The following SLC41A1 variants were observed in gnomAD, a reference collection of about 807,000 sequenced individuals.
SLC41A1 encodes the protein solute carrier family 41 (magnesium transporter), member 1.
Under a neutral mutation model 47.3 loss-of-function variants are expected in SLC41A1, and 20 were observed. That is an observed-to-expected ratio of 0.42 (90% CI 0.30 to 0.61). SLC41A1 has a LOEUF of 0.61. Ranked by LOEUF, SLC41A1 falls within the 20% of genes least tolerant of loss-of-function variation. The pLI is 0.17. For synonymous variants in SLC41A1, 282 were observed against 272.7 expected (o/e 1.03, Z -0.34); for missense variants, 504 against 674.1 (o/e 0.75, Z 2.79).
chr1:205,798,151 A>T, intron 6 of SLC41A1, 100 bp from the exon 7 acceptor site: 1 of 1,524,614 alleles, frequency 6.6e-7, no homozygotes, highest in Non-Finnish European at 9.0e-7. Context: ...CAATAGCAAG[A>T]CTACACTAAA....
At chr1:205,795,859 C>G (rs1655737688) in intron 8 of SLC41A1, 3 of 271,142 alleles carry the variant, frequency 1.1e-5, no homozygotes, top group Admixed American at 6.4e-5. Context: ...GGGATGAAGC[C>G]CTGCCTTGCC....
In SLC41A1 at chr1:205,791,846, C is replaced by G; in HGVS notation, c.1357-128G>C. On this transcript the variant is annotated intron_variant, in intron 10 of 10. Coordinates refer to ENST00000367137, the MANE Select transcript of SLC41A1 (RefSeq NM_173854.6). This position sits in a 1 kb window ranked among gnomAD's most constrained non-coding sequence, Gnocchi z 4.0. ...CCATAATCCTTACTTTTTAATCTTC[C>G]TCTTTCCACCCCAGCAACCTCTCTG... 8.5e-7 allele frequency: 1 copy of G among 1,183,304 alleles called. No individual in the cohort carries two copies. The allele number at this position is 1,183,304 out of a possible 1,614,324, so 73.3% of individuals were successfully genotyped here. A position where few individuals can be genotyped will look rare whatever the true frequency, so the allele number is the denominator to read the frequency against.
rs745880418 is a variant in SLC41A1, at chr1:205,799,823, A to G, written c.488T>C (p.Ile163Thr). The G allele has an allele frequency of 2.0e-5, 32 of 1,613,906 alleles. No individual in the cohort carries two copies. The highest frequency in any genetic ancestry group is 6.7e-5 in the East Asian group (3 of 44,880). Residue 163 changes from isoleucine (I) to threonine (T), a missense_variant, in exon 4 of 11, where the codon ATT becomes ACT. Ile to Thr is a moderately conservative substitution (Grantham distance 89). Coordinates refer to ENST00000367137, the MANE Select transcript of SLC41A1 (RefSeq NM_173854.6). ...CTCCTTGGGTGTGTCCATGTGTCCA[A>G]TGTTGGCCTGGGAAAGGGAGGGCAA... ...LASRLSTAAN[I>T]GHMDTPKELW... is the part of the protein sequence containing the mutation.
At chr1:205,799,877 C>T in intron 3 of SLC41A1, 47 bp from the exon 4 acceptor site, 2 of 1,556,940 alleles carry the variant, frequency 1.3e-6, no homozygotes, top group Non-Finnish European at 1.8e-6. Context: ...TGGAAAAGGC[C>T]TGAAGCTCCA....
rs1308228025 is a variant in SLC41A1 at position 205,810,929 on chromosome 1, G to A, written c.-488C>T. ...GCGGCTCCTTCCCGCTCCTTTGGCT[G>A]GGCTCTGTCAGCTTCCCACAGCTCC... is the stretch of plus-strand genomic sequence containing the variant. On this transcript the variant is annotated 5_prime_UTR_variant, in exon 2 of 11. Transcript: ENST00000367137. This position sits in a 1 kb window ranked among gnomAD's most constrained non-coding sequence, Gnocchi z 5.5. The A allele has an allele frequency of 5.7e-6, 1 of 175,892 alleles. No individual in the cohort carries two copies. The highest frequency in any genetic ancestry group is 1.2e-5 in the Non-Finnish European group (1 of 81,738). 10.9% of individuals were successfully genotyped at this position (175,892 alleles called of 1,614,324 possible).
At chr1:205,799,237 C>T in intron 4 of SLC41A1, 136 bp from the exon 5 acceptor site, 1 of 1,172,386 alleles carries the variant, frequency 8.5e-7, no homozygotes, top group Non-Finnish European at 1.2e-6. Flanking sequence ...GTCCAGTCCT[C>T]CCAGGCTGGA....
At chr1:205,795,180 GAA>G (rs1219208282) in intron 9 of SLC41A1, among the ~76,000 whole-genome samples, 162 bp from the exon 10 acceptor site, 1 of 152,138 alleles carries the variant, frequency 6.6e-6, no homozygotes, top group Non-Finnish European at 1.5e-5. Context: ...GGTGCTCCAG[GAA>G]AAGACAGCCC....
rs181756408 is a variant in SLC41A1 at position 205,795,070 on chromosome 1, C to T, written c.1208-52G>A. 1.8e-3 allele frequency: 2,811 copies of T among 1,605,508 alleles called. 6 individuals are homozygous for T. The highest frequency in any genetic ancestry group is 3.7e-3 in the South Asian group (331 of 90,536). ...AGAGGAGGGGAGGAGAAGACCTGGC[C>T]CCAGAAGGCCTTTCAAAGTCAGGAG... is the stretch of plus-strand genomic sequence containing the variant. On this transcript the variant is annotated intron_variant, in intron 9 of 10. Transcript: ENST00000367137.
At position 205,810,556 on chromosome 1, in the gene SLC41A1, A is replaced by C. The variant is rs1185418780; in HGVS notation, c.-115T>G. ...GGGTGAACCCAGGCTTGGGCGCCGC[A>C]GGACCTCTTCCCACGGCTCTCCACT... On this transcript the variant is annotated 5_prime_UTR_variant, in exon 2 of 11. Coordinates refer to ENST00000367137, the MANE Select transcript of SLC41A1 (RefSeq NM_173854.6). The surrounding 1 kb of genome is among the most constrained non-coding windows in gnomAD (Gnocchi z 5.5). 1.9e-6 allele frequency: 3 copies of C among 1,543,348 alleles called. No individual in the cohort carries two copies. The highest frequency in any genetic ancestry group is 2.7e-6 in the Non-Finnish European group (3 of 1,130,404).
chr1:205,790,959 G>A lies in SLC41A1; in HGVS notation c.*574C>T, dbSNP rs555281241. On this transcript the variant is annotated 3_prime_UTR_variant, in exon 11 of 11. Coordinates refer to ENST00000367137, the MANE Select transcript of SLC41A1 (RefSeq NM_173854.6). ...CCTTACTCTTTCTGCGAGTGGGAAC[G>A]CTTAGGTCCAGAGGGCAAGAGAACA... The A allele has an allele frequency of 1.2e-5, 2 of 163,170 alleles. No homozygotes were observed. Among genetic ancestry groups the A allele is most frequent in the Non-Finnish European group, 1.4e-5 (1 of 74,026 alleles). The allele number at this position is 163,170 out of a possible 1,614,324, so 10.1% of individuals were successfully genotyped here. A position where few individuals can be genotyped will look rare whatever the true frequency, so the allele number is the denominator to read the frequency against.
Position 205,810,575 on chromosome 1 carries a change from C to T in SLC41A1, c.-134G>A. 2 of 1,376,474 alleles carry T rather than the reference C, an allele frequency of 1.5e-6. No individual in the cohort carries two copies. Among genetic ancestry groups the T allele is most frequent in the South Asian group, 1.2e-5 (1 of 81,706 alleles). 85.3% of individuals were successfully genotyped at this position (1,376,474 alleles called of 1,614,324 possible). On this transcript the variant is annotated 5_prime_UTR_variant, in exon 2 of 11. Transcript: ENST00000367137. This position sits in a 1 kb window ranked among gnomAD's most constrained non-coding sequence, Gnocchi z 5.5. ...CGCCGCAGGACCTCTTCCCACGGCT[C>T]TCCACTCCTACCAGGCACTGCAAAA...
At chr1:205,811,661 AC>A (rs1165282332) in intron 1 of SLC41A1, among the ~76,000 whole-genome samples, 1 of 152,196 alleles carries the variant, frequency 6.6e-6, no homozygotes, top group African/African-American at 2.4e-5. Flanking sequence ...AGAAAACAAA[AC>A]AAAGCTAGGA....
Position 205,810,276 on chromosome 1 carries a change from T to C in SLC41A1, c.166A>G (p.Asn56Asp), listed in dbSNP as rs1266393761. ...GVEVVIESRA[N>D]AKGVREEDAL... ...TCCTCCTCCCGAACCCCCTTGGCGT[T>C]GGCCCGAGACTCAATCACCACCTCT... is the stretch of plus-strand genomic sequence containing the variant. Residue 56 changes from asparagine to aspartate, a missense_variant, in exon 2 of 11, where the codon AAC becomes GAC. By Grantham distance (23) the Asn-to-Asp change is conservative (BLOSUM62 1). Coordinates refer to ENST00000367137, the MANE Select transcript of SLC41A1 (RefSeq NM_173854.6). This position sits in a 1 kb window ranked among gnomAD's most constrained non-coding sequence, Gnocchi z 5.5. 1 of 1,614,182 alleles carries C rather than the reference T, an allele frequency of 6.2e-7. No individual in the cohort carries two copies. Among genetic ancestry groups the C allele is most frequent in the East Asian group, 2.2e-5 (1 of 44,856 alleles).
chr1:205,800,285 C>T (rs1655850023), intron 3 of SLC41A1, among the ~76,000 whole-genome samples: 1 of 152,204 alleles, frequency 6.6e-6, no homozygotes, highest in South Asian at 2.1e-4. Context: ...TCGGGTATGG[C>T]AAGTCAGGGT....
At chr1:205,795,124 C>G in intron 9 of SLC41A1, 106 bp from the exon 10 acceptor site, 2 of 1,493,858 alleles carry the variant, frequency 1.3e-6, no homozygotes, top group East Asian at 2.3e-5. Flanking sequence ...GGGCAACAGA[C>G]AGATGAATGT....
chr1:205,813,086 GCA>G lies in SLC41A1; in HGVS notation c.-927_-926del. 2.0e-6 allele frequency: 2 copies of G among 985,514 alleles called. No individual in the cohort carries two copies. Among genetic ancestry groups the G allele is most frequent in the Non-Finnish European group, 2.4e-6 (2 of 829,986 alleles). 61.0% of individuals were successfully genotyped at this position (985,514 alleles called of 1,614,324 possible). A position where few individuals can be genotyped will look rare whatever the true frequency, so the allele number is the denominator to read the frequency against. On this transcript the variant is annotated 5_prime_UTR_variant, in exon 1 of 11. Transcript: ENST00000367137. ...ATATCGCTTCGGGCCCGGCGGGGGG[GCA>G]CCCGGACGGGGGACCGGGGAGCCGA...
At chr1:205,808,406 T>C (rs966905317) in intron 2 of SLC41A1, among the ~76,000 whole-genome samples, 1 of 152,218 alleles carries the variant, frequency 6.6e-6, no homozygotes, top group Non-Finnish European at 1.5e-5. Flanking sequence ...GAGATGATTA[T>C]GGATCCTACC....
Position 205,798,041 on chromosome 1 carries a change from T to A in SLC41A1, c.855A>T (p.Arg285=), listed in dbSNP as rs771028990. ...AAGCACACACCAGTGGGTAGATGTA[T>A]CGCCAGTGATCTGAGAGGGCAGAGG... ...WGLYLELNHW[R]YIYPLVCAFF... is the part of the protein sequence containing the mutation. The change falls in exon 7 of 11, where the codon CGA becomes CGT. Residue 285 remains arginine, a synonymous_variant. Transcript: ENST00000367137. The A allele has an allele frequency of 6.2e-7, 1 of 1,614,120 alleles. No homozygotes were observed. Among genetic ancestry groups the A allele is most frequent in the Non-Finnish European group, 8.5e-7 (1 of 1,180,036 alleles).
At chr1:205,807,857 T>G (rs895271345) in intron 2 of SLC41A1, among the ~76,000 whole-genome samples, 14 of 151,824 alleles carry the variant, frequency 9.2e-5, no homozygotes, top group African/African-American at 3.4e-4. Context: ...AGGTCTCACT[T>G]TGTTGCCCAG....
Sources: gnomAD v4.1 joint callset for allele counts (sites outside exome capture counted in the v4.1 genomes callset) on GRCh38, gnomAD v4.1.1 for gene constraint, Gnocchi (gnomAD v3.1) non-coding constraint, MANE v1.5 for transcripts, NCBI Gene and HGNC (gene_info 2026-07-23, HGNC 2026-07-21) for gene names.